Variants in AAK1 observed in about 807,000 individuals in gnomAD.
AAK1 encodes AP2 associated kinase 1.
Under a neutral mutation model 116.0 loss-of-function variants are expected in AAK1, and 37 were observed. The ratio of observed to expected loss-of-function variants is 0.32; its 90% CI spans 0.25 to 0.42. The LOEUF is 0.42. AAK1 is among the 10% of genes least tolerant of loss of function. The probability of loss-of-function intolerance (pLI) is 1.00; values close to 1 mark genes in which losing one functional copy is unlikely to be tolerated. For missense variants in AAK1, 919 were observed against 1,170.6 expected (o/e 0.79, Z 3.14); for synonymous variants, 458 against 439.9 (o/e 1.04, Z -0.51).
intron 2 of AAK1, among the ~76,000 whole-genome samples, chr2:69,623,376 C>T (rs1040874830): frequency 2.6e-5 from 4 of 152,210 alleles, no homozygotes; most frequent in African/African-American, 7.2e-5. Flanking sequence ...CTGTTCCTGT[C>T]ACCACTCTGC....
At position 69,468,985 on chromosome 2, in the gene AAK1, C is replaced by G. The variant is rs1039247933; in HGVS notation, c.*6884G>C. On this transcript the variant is annotated 3_prime_UTR_variant, in exon 22 of 22. Coordinates refer to ENST00000409085, the MANE Select transcript of AAK1 (RefSeq NM_014911.5). Reference sequence around the variant, plus strand: ...TTTGAATAATTTACAAAAACAGTCACAAAAACACCAGAATATCAAGTTTGA... The same window carrying G: ...TTTGAATAATTTACAAAAACAGTCAGAAAAACACCAGAATATCAAGTTTGA... 2.0e-6 allele frequency: 2 copies of G among 985,266 alleles called. No individual in the cohort carries two copies. The highest frequency in any genetic ancestry group is 2.4e-6 in the Non-Finnish European group (2 of 829,920). 61.0% of individuals were successfully genotyped at this position (985,266 alleles called of 1,614,324 possible).
intron 10 of AAK1, among the ~76,000 whole-genome samples, chr2:69,521,339 C>T (rs747141170): frequency 1.3e-5 from 2 of 151,988 alleles, no homozygotes; most frequent in Admixed American, 1.3e-4. Context: ...CTAGTACCTC[C>T]TAGGATTTCC....
chr2:69,560,357 A>G (rs1411587024), intron 2 of AAK1, among the ~76,000 whole-genome samples: 2 of 152,254 alleles, frequency 1.3e-5, no homozygotes, highest in Admixed American at 6.5e-5. Flanking sequence ...GAGGCTGTCA[A>G]CAGAGAAGAC....
At chr2:69,604,959 A>G (rs1673735874) in intron 2 of AAK1, among the ~76,000 whole-genome samples, 1 of 152,198 alleles carries the variant, frequency 6.6e-6, no homozygotes, top group South Asian at 2.1e-4. Context: ...CTCAACACAC[A>G]GTACTTCAAC....
At chr2:69,636,210 A>AC (rs2105267797) in intron 2 of AAK1, among the ~76,000 whole-genome samples, 1 of 151,586 alleles carries the variant, frequency 6.6e-6, no homozygotes, top group African/African-American at 2.4e-5. Flanking sequence ...CTAAAAAAAA[A>AC]CCTTGGATTA....
intron 16 of AAK1, among the ~76,000 whole-genome samples, chr2:69,498,765 A>T (rs1675855647): frequency 6.6e-6 from 1 of 152,156 alleles, no homozygotes; most frequent in South Asian, 2.1e-4. Flanking sequence ...CTGGCTTCAA[A>T]GACATACGGC....
rs1454548511 is a variant in AAK1 at position 69,527,398 on chromosome 2, C to T, written c.872-79G>A. 9.3e-5 allele frequency: 87 copies of T among 940,284 alleles called. No homozygotes were observed. In the South Asian group the frequency reaches 1.2e-3, roughly 13 times the overall value. 58.2% of individuals were successfully genotyped at this position (940,284 alleles called of 1,614,324 possible). A position where few individuals can be genotyped will look rare whatever the true frequency, so the allele number is the denominator to read the frequency against. The stretch of plus-strand genomic sequence containing the variant: ...CTAGGAAGCATCATTCCTCTCTCTA[C>T]TCCCAATGTTTTGTTTTTAAACTTT... On this transcript the variant is annotated intron_variant, in intron 8 of 21. Transcript: ENST00000409085.
chr2:69,574,601 A>C (rs1362013614), intron 2 of AAK1, among the ~76,000 whole-genome samples: 1 of 150,642 alleles, frequency 6.6e-6, no homozygotes, highest in Admixed American at 6.6e-5. Flanking sequence ...AATAAGAGAG[A>C]GAGAGAGATA....
intron 16 of AAK1, among the ~76,000 whole-genome samples, chr2:69,504,015 AT>A (rs1175466014): frequency 6.7e-6 from 1 of 149,626 alleles, no homozygotes; most frequent in African/African-American, 2.5e-5. Context: ...AAAAAAAAAA[AT>A]TATATTTTAG....
At chr2:69,632,646 C>G (rs192706757) in intron 2 of AAK1, among the ~76,000 whole-genome samples, 2 of 152,350 alleles carry the variant, frequency 1.3e-5, no homozygotes, top group African/African-American at 4.8e-5. Flanking sequence ...CGCCTGTAAT[C>G]CCAACACTTT....
chr2:69,529,678 T>C (rs1670170772), intron 8 of AAK1, among the ~76,000 whole-genome samples: 1 of 152,230 alleles, frequency 6.6e-6, no homozygotes, highest in Admixed American at 6.5e-5. Context: ...ATGAATTTCT[T>C]ATCACTTGAT....
intron 6 of AAK1, 79 bp downstream of exon 6, chr2:69,531,962 G>A: frequency 6.4e-7 from 1 of 1,571,404 alleles, no homozygotes; most frequent in Admixed American, 1.7e-5. Flanking sequence ...TCCCCACCCT[G>A]ACCTTCTCAT....
At chr2:69,587,968 G>A (rs1672864532) in intron 2 of AAK1, among the ~76,000 whole-genome samples, 1 of 151,344 alleles carries the variant, frequency 6.6e-6, no homozygotes. Flanking sequence ...TCACTATGTT[G>A]TCCAGGCTGG....
rs150369717 is a variant in AAK1, at chr2:69,502,166, G to GAT, written c.2269+3401_2269+3402dup. On this transcript the variant is annotated intron_variant, in intron 16 of 21. Coordinates refer to ENST00000409085, the MANE Select transcript of AAK1 (RefSeq NM_014911.5). Reference sequence around the variant, plus strand: ...AAATTAATGTACACAGATATTAAAAGATATATATATATATTGTTGTACTTT... The same window carrying GAT: ...AAATTAATGTACACAGATATTAAAAGATATATATATATATATTGTTGTACTTT... Among the ~76,000 whole-genome samples, 188 of 151,006 alleles carry GAT rather than the reference G, an allele frequency of 1.2e-3. 1 individual carries two copies. Among genetic ancestry groups the GAT allele is most frequent in the African/African-American group, 3.9e-3 (160 of 41,186 alleles).
chr2:69,557,747 C>T (rs982304576), intron 2 of AAK1, among the ~76,000 whole-genome samples: 1 of 152,198 alleles, frequency 6.6e-6, no homozygotes, highest in Non-Finnish European at 1.5e-5. Flanking sequence ...AAGTGGAGCA[C>T]ACTTTCCCTC....
chr2:69,542,608 T>C lies in AAK1; in HGVS notation c.449A>G (p.Glu150Gly), dbSNP rs746100562. 2 of 1,613,980 alleles carry C rather than the reference T, an allele frequency of 1.2e-6. No individual in the cohort carries two copies. Among genetic ancestry groups the C allele is most frequent in the South Asian group, 2.2e-5 (2 of 91,080 alleles). ...QRLQTGFTEN[E>G]VLQIFCDTCE... ...GGTATCACAAAATATCTGGAGCACT[T>C]CATTCTCTGTAAAGCCTGTTTGCAG... The change falls in exon 5 of 22, where the codon GAA (glutamate) becomes GGA (glycine). Residue 150 changes from glutamate (E) to glycine (G), a missense_variant. Glu to Gly is a moderately conservative substitution (Grantham distance 98, BLOSUM62 -2). Around this residue, in one of 4 missense-constraint regions of AAK1, gnomAD observed 317 missense variants for 490.4 expected, o/e 0.65. Coordinates refer to ENST00000409085, the MANE Select transcript of AAK1 (RefSeq NM_014911.5).
chr2:69,492,802 G>GT (rs1157265239), intron 17 of AAK1, among the ~76,000 whole-genome samples: 2 of 151,980 alleles, frequency 1.3e-5, no homozygotes, highest in Non-Finnish European at 2.9e-5. Flanking sequence ...GGTATTACAG[G>GT]TGTCAGCTAC....
intron 2 of AAK1, among the ~76,000 whole-genome samples, chr2:69,629,769 G>A (rs560767233): frequency 1.3e-5 from 2 of 152,132 alleles, no homozygotes; most frequent in East Asian, 1.9e-4. Flanking sequence ...TCAAATTTAC[G>A]AGTACTCAAT....
In AAK1 at chr2:69,467,033, G is replaced by C. The variant is rs1034899390; in HGVS notation, c.*8836C>G. 2.0e-6 allele frequency: 2 copies of C among 985,442 alleles called. No homozygotes were observed. Among genetic ancestry groups the C allele is most frequent in the African/African-American group, 3.5e-5 (2 of 57,360 alleles). The allele number at this position is 985,442 out of a possible 1,614,324, so 61.0% of individuals were successfully genotyped here. A position where few individuals can be genotyped will look rare whatever the true frequency, so the allele number is the denominator to read the frequency against. On this transcript the variant is annotated 3_prime_UTR_variant, in exon 22 of 22. Transcript: ENST00000409085. The stretch of plus-strand genomic sequence containing the variant: ...GGGACAAACTCTCTGAAAAGAAGCA[G>C]AATGTGGCTGCTTGATAAATGCAAG...
Sources: allele counts gnomAD v4.1 joint callset (sites outside exome capture counted in the v4.1 genomes callset), GRCh38; gene constraint gnomAD v4.1.1; regional missense constraint gnomAD v4.1.1; transcripts MANE v1.5; gene names NCBI Gene and HGNC (gene_info 2026-07-23, HGNC 2026-07-21).